Variants in TMEM47 observed in about 807,000 individuals in gnomAD.
TMEM47 encodes the protein transmembrane protein 47, also known as brain cell membrane protein 1.
Under a neutral mutation model 12.4 loss-of-function variants are expected in TMEM47, and 3 were observed. That is an observed-to-expected ratio of 0.24 (90% confidence interval 0.11 to 0.63). The LOEUF (loss-of-function observed/expected upper bound fraction) is 0.63, where lower values mean the gene tolerates loss of function less well. TMEM47 is among the 20% of genes least tolerant of loss of function. The probability of loss-of-function intolerance (pLI) is 0.86; values close to 1 mark genes in which losing one functional copy is unlikely to be tolerated. For missense variants in TMEM47, 89 were observed against 143.8 expected (o/e 0.62, Z 1.95); for synonymous variants, 62 against 63.3 (o/e 0.98, Z 0.10).
At chrX:34,634,953 G>A (rs1247781694) in intron 2 of TMEM47, among the ~76,000 whole-genome samples, 1 of 111,687 alleles carries the variant, frequency 9.0e-6, no homozygotes, top group Non-Finnish European at 1.9e-5. Flanking sequence ...GACCATCTGC[G>A]AGGTTATTGT....
At chrX:34,632,580 C>G in intron 2 of TMEM47, among the ~76,000 whole-genome samples, 1 of 111,763 alleles carries the variant, frequency 8.9e-6, no homozygotes, top group Non-Finnish European at 1.9e-5. Flanking sequence ...TATAAAAACA[C>G]CCAACATTTC....
At position 34,628,081 on chromosome X, in the gene TMEM47, A is replaced by ATT. The variant is rs1295942924; in HGVS notation, c.*2231_*2232insAA. On this transcript the variant is annotated 3_prime_UTR_variant, in exon 3 of 3. Transcript: ENST00000275954. ...CATATTGACAGAGAATGAAAACTTG[A>ATT]TAAGACTCGAGATGTGATGATATTG... The ATT allele has an allele frequency of 8.9e-6, 1 of 111,901 alleles. No homozygotes were observed. The highest frequency in any genetic ancestry group is 2.8e-4 in the East Asian group (1 of 3,537). 9.2% of individuals were successfully genotyped at this position (111,901 alleles called of 1,213,427 possible). A position where few individuals can be genotyped will look rare whatever the true frequency, so the allele number is the denominator to read the frequency against.
intron 2 of TMEM47, among the ~76,000 whole-genome samples, chrX:34,633,872 T>G (rs992824327): frequency 8.9e-6 from 1 of 111,759 alleles, no homozygotes; most frequent in Non-Finnish European, 1.9e-5. Context: ...GTGTTGGAGC[T>G]CAATAAAAAT....
At chrX:34,634,839 G>T (rs1340579801) in intron 2 of TMEM47, among the ~76,000 whole-genome samples, 1 of 112,136 alleles carries the variant, frequency 8.9e-6, no homozygotes, top group Non-Finnish European at 1.9e-5. Flanking sequence ...ATGACTAGAA[G>T]CAATTTGCAT....
At position 34,657,106 on chromosome X, in the gene TMEM47, C is replaced by G. The variant is rs1281417857; in HGVS notation, c.-77G>C. 9.4e-7 allele frequency: 1 copy of G among 1,061,442 alleles called. No homozygotes were observed. The highest frequency in any genetic ancestry group is 3.8e-4 in the Middle Eastern group (1 of 2,649). 87.5% of individuals were successfully genotyped at this position (1,061,442 alleles called of 1,213,427 possible). On this transcript the variant is annotated 5_prime_UTR_variant, in exon 1 of 3. Transcript: ENST00000275954. ...TCCGGAGAGCCGGGAGCCGGACCTC[C>G]CGAAGGGAGAAGCCGCCGAGCTGCC...
Position 34,634,484 on chromosome X carries a change from C to T in TMEM47, c.368-3993G>A, listed in dbSNP as rs774452595. ...TTGATAAACATATATTGGGTGCCTA[C>T]GTGCTAGATGAAGGGGATAAGATAG... is the stretch of plus-strand genomic sequence containing the variant. On this transcript the variant is annotated intron_variant, in intron 2 of 2. Transcript: ENST00000275954. Among the ~76,000 whole-genome samples the T allele has an allele frequency of 2.0e-4, 22 of 111,324 alleles. No homozygotes were observed. In the Admixed American group the frequency reaches 2.0e-3, roughly 10 times the overall value.
At chrX:34,640,602 G>A (rs1569163533) in intron 1 of TMEM47, among the ~76,000 whole-genome samples, 1 of 111,368 alleles carries the variant, frequency 9.0e-6, no homozygotes, top group African/African-American at 3.3e-5. Context: ...AATGCAAATG[G>A]ATTTTAATCT....
intron 1 of TMEM47, among the ~76,000 whole-genome samples, chrX:34,647,228 A>T (rs1181125852): frequency 9.0e-6 from 1 of 111,631 alleles, no homozygotes; most frequent in Non-Finnish European, 1.9e-5. Flanking sequence ...TATTTGGTTT[A>T]GGGACCTTAA....
chrX:34,639,367 C>A lies in TMEM47; in HGVS notation c.247G>T (p.Ala83Ser), dbSNP rs759996918. 1 of 1,207,338 alleles carries A rather than the reference C, an allele frequency of 8.3e-7. No homozygotes were observed. Among genetic ancestry groups the A allele is most frequent in the Non-Finnish European group, 1.1e-6 (1 of 893,562 alleles). ...LSSDWQIATL[A>S]LLLGGAAIIL... ...ATGGCAGCGCCGCCCAGGAGTAAAG[C>A]CAGAGTAGCAATCTGCCAATCTGGA... The change falls in exon 2 of 3, where the codon GCT becomes TCT. Residue 83 changes from alanine to serine, a missense_variant. Physicochemically the swap from Ala to Ser is moderately conservative, Grantham distance 99. Transcript: ENST00000275954.
rs1209039573 is a variant in TMEM47 at position 34,627,866 on chromosome X, G to A, written c.*2447C>T. Reference sequence around the variant, plus strand: ...TGATAGACAAAATTGTATTTTAGATGAGAAGCAACAATTTTCATGTTGTAC... The same window carrying A: ...TGATAGACAAAATTGTATTTTAGATAAGAAGCAACAATTTTCATGTTGTAC... On this transcript the variant is annotated 3_prime_UTR_variant, in exon 3 of 3. Coordinates refer to ENST00000275954, the MANE Select transcript of TMEM47 (RefSeq NM_031442.4). 1 of 112,009 alleles carries A rather than the reference G, an allele frequency of 8.9e-6. No homozygotes were observed. The highest frequency in any genetic ancestry group is 1.9e-5 in the Non-Finnish European group (1 of 53,084). 9.2% of individuals were successfully genotyped at this position (112,009 alleles called of 1,213,427 possible). A position where few individuals can be genotyped will look rare whatever the true frequency, so the allele number is the denominator to read the frequency against.
intron 1 of TMEM47, among the ~76,000 whole-genome samples, chrX:34,653,255 T>G (rs1303751296): frequency 8.9e-6 from 1 of 112,140 alleles, no homozygotes; most frequent in Non-Finnish European, 1.9e-5. Flanking sequence ...ATACTGCCAT[T>G]TCAAAACTAC....
At chrX:34,631,170 CAAAAAAAAAAAA>C (rs34845525) in intron 2 of TMEM47, among the ~76,000 whole-genome samples, 4 of 18,572 alleles carry the variant, frequency 2.2e-4, no homozygotes, top group South Asian at 0.01. Flanking sequence ...GACTCTGTCT[CAAAAAAAAAAAA>C]AAAAAAAAAA....
intron 1 of TMEM47, among the ~76,000 whole-genome samples, chrX:34,653,333 GA>G (rs1479086217): frequency 9.2e-6 from 1 of 108,787 alleles, no homozygotes; most frequent in Non-Finnish European, 1.9e-5. Flanking sequence ...AATATCCCTT[GA>G]AAAAAGGTAC....
At position 34,657,107 on chromosome X, in the gene TMEM47, C is replaced by G. The variant is rs982695528; in HGVS notation, c.-78G>C. ...CCGGAGAGCCGGGAGCCGGACCTCC[C>G]GAAGGGAGAAGCCGCCGAGCTGCCA... On this transcript the variant is annotated 5_prime_UTR_variant, in exon 1 of 3. Coordinates refer to ENST00000275954, the MANE Select transcript of TMEM47 (RefSeq NM_031442.4). 2.7e-5 allele frequency: 29 copies of G among 1,060,781 alleles called. No homozygotes were observed. Among genetic ancestry groups the G allele is most frequent in the Admixed American group, 2.2e-4 (5 of 22,754 alleles). 87.4% of individuals were successfully genotyped at this position (1,060,781 alleles called of 1,213,427 possible). A position where few individuals can be genotyped will look rare whatever the true frequency, so the allele number is the denominator to read the frequency against.
At chrX:34,642,557 C>T (rs1921838894) in intron 1 of TMEM47, among the ~76,000 whole-genome samples, 1 of 111,710 alleles carries the variant, frequency 9.0e-6, no homozygotes, top group Non-Finnish European at 1.9e-5. Context: ...AGTAGATAAA[C>T]ATAATCAGTT....
chrX:34,645,561 G>A (rs1921896372), intron 1 of TMEM47, among the ~76,000 whole-genome samples: 1 of 111,468 alleles, frequency 9.0e-6, no homozygotes, highest in African/African-American at 3.3e-5. Context: ...AAACGTTACT[G>A]AGGCAGCTTA....
At chrX:34,654,776 T>G (rs1164009874) in intron 1 of TMEM47, among the ~76,000 whole-genome samples, 1 of 112,073 alleles carries the variant, frequency 8.9e-6, no homozygotes, top group Non-Finnish European at 1.9e-5. Context: ...CCCATTTGCT[T>G]ATGAATTCTA....
chrX:34,634,100 A>G (rs1921672667), intron 2 of TMEM47, among the ~76,000 whole-genome samples: 1 of 111,585 alleles, frequency 9.0e-6, no homozygotes, highest in African/African-American at 3.3e-5. Flanking sequence ...AGAAGTCAGG[A>G]AAATGCCATT....
Position 34,630,319 on chromosome X carries a change from G to C in TMEM47, c.540C>G (p.Tyr180Ter). 1 of 1,204,565 alleles carries C rather than the reference G, an allele frequency of 8.3e-7. No homozygotes were observed. Among genetic ancestry groups the C allele is most frequent in the Non-Finnish European group, 1.1e-6 (1 of 891,437 alleles). Residue 180 changes from tyrosine (Y) to a stop codon, truncating the protein, a stop_gained, in exon 3 of 3, where the codon TAC becomes TAG. Coordinates refer to ENST00000275954, the MANE Select transcript of TMEM47 (RefSeq NM_031442.4). LOFTEE classifies it high-confidence loss of function. ...YCLNPKNYED[Y>*]Y Reference sequence around the variant, plus strand: ...TACTTTGAGACTATTGGTTCTAGTAGTAGTCTTCATAGTTCTTAGGGTTCA... The same window carrying C: ...TACTTTGAGACTATTGGTTCTAGTACTAGTCTTCATAGTTCTTAGGGTTCA...
Sources: gnomAD v4.1 joint callset for allele counts (sites outside exome capture counted in the v4.1 genomes callset) on GRCh38, gnomAD v4.1.1 for gene constraint, MANE v1.5 for transcripts, NCBI Gene and HGNC (gene_info 2026-07-23, HGNC 2026-07-21) for gene names.